The following PCDHA2 variants were observed in gnomAD, a reference collection of about 807,000 sequenced individuals.
PCDHA2 encodes protocadherin alpha-2.
Under a neutral mutation model 66.0 loss-of-function variants are expected in PCDHA2, and 58 were observed. That is an observed-to-expected ratio of 0.88 (90% CI 0.71 to 1.09). PCDHA2 has a LOEUF of 1.09. PCDHA2 is among the 50% of genes least tolerant of loss of function. PCDHA2 has a pLI of 0.00. For missense variants in PCDHA2, 1,267 were observed against 1,242.3 expected, an observed-to-expected ratio of 1.02 and a Z score of -0.30; for synonymous variants, 634 against 554.0, an observed-to-expected ratio of 1.14 and a Z score of -2.03.
chr5:140,885,870 A>T (rs1302417773), intron 1 of PCDHA2, among the ~76,000 whole-genome samples: 1 of 152,162 alleles, frequency 6.6e-6, no homozygotes, highest in African/African-American at 2.4e-5. Context: ...TATTGAAAAA[A>T]AATTTTTAGT....
chr5:140,857,735 G>A (rs782288464), intron 1 of PCDHA2: 1 of 1,597,334 alleles, frequency 6.3e-7, no homozygotes. Context: ...CAACGCTCCC[G>A]CGCTGCTGGC....
chr5:140,863,024 C>G (rs563115859), intron 1 of PCDHA2: 7 of 555,234 alleles, frequency 1.3e-5, no homozygotes, highest in Non-Finnish European at 2.1e-5. Flanking sequence ...CTGGTTGTCG[C>G]AACAGCTGCA....
At chr5:140,910,408 G>A (rs1165160124) in intron 1 of PCDHA2, among the ~76,000 whole-genome samples, 2 of 152,106 alleles carry the variant, frequency 1.3e-5, no homozygotes, top group African/African-American at 2.4e-5. Flanking sequence ...CTGCCACCTC[G>A]AGATCCAATT....
intron 1 of PCDHA2, among the ~76,000 whole-genome samples, chr5:140,950,569 T>C (rs969438550): frequency 1.3e-5 from 2 of 152,120 alleles, no homozygotes; most frequent in African/African-American, 2.4e-5. Context: ...TATTTTAAGG[T>C]TTTCTACTTA....
chr5:140,924,900 A>AT lies in PCDHA2; in HGVS notation c.2389-54049_2389-54048insT, dbSNP rs1563068012. 8.8e-4 allele frequency among the ~76,000 whole-genome samples: 56 copies of AT among 63,318 alleles called. 1 individual carries two copies. The highest frequency in any genetic ancestry group is 8.1e-3 in the Middle Eastern group (1 of 124). 41.5% of individuals were successfully genotyped at this position (63,318 alleles called of 152,430 possible). On this transcript the variant is annotated intron_variant, in intron 1 of 3. Coordinates refer to ENST00000526136, the MANE Select transcript of PCDHA2 (RefSeq NM_018905.3). ...ACAGAGCAAGAACCTGTCTCAAAAA[A>AT]AAAAATAAAATAAAATAAAATAAAA...
At chr5:141,006,745 T>C (rs1554260891) in intron 3 of PCDHA2, among the ~76,000 whole-genome samples, 1 of 152,144 alleles carries the variant, frequency 6.6e-6, no homozygotes, top group Non-Finnish European at 1.5e-5. Flanking sequence ...TGATGTATTA[T>C]AAATGGAGAA....
chr5:140,988,957 C>G (rs2097322513), intron 3 of PCDHA2: 1 of 152,120 alleles, frequency 6.6e-6, no homozygotes. Context: ...TTCCTTCAAG[C>G]CCCACGATGG....
At chr5:140,885,592 G>T (rs1428219345) in intron 1 of PCDHA2, among the ~76,000 whole-genome samples, 3 of 152,102 alleles carry the variant, frequency 2.0e-5, no homozygotes, top group Non-Finnish European at 2.9e-5. Flanking sequence ...ATGCATCAAA[G>T]ATATTAATAA....
In PCDHA2 at chr5:140,852,957, C is replaced by T. The variant is rs193082588; in HGVS notation, c.2388+55605C>T. The T allele has an allele frequency of 2.4e-3, 1,034 of 439,410 alleles. 42 individuals carry two copies. The highest frequency in any genetic ancestry group is 0.021 in the African/African-American group (968 of 46,052). 27.2% of individuals were successfully genotyped at this position (439,410 alleles called of 1,614,324 possible). On this transcript the variant is annotated intron_variant, in intron 1 of 3. Transcript: ENST00000526136. ...GCAGTGGTGCCATCTTGGCTCACTC[C>T]AAGCTCCCCCTCCCGTGTTCACGCC... is the stretch of plus-strand genomic sequence containing the variant.
chr5:140,995,383 G>A (rs909887279), intron 3 of PCDHA2, among the ~76,000 whole-genome samples: 2 of 152,158 alleles, frequency 1.3e-5, no homozygotes, highest in African/African-American at 4.8e-5. Flanking sequence ...TACTGGGCAG[G>A]ATAAAGCGGG....
rs2150250773 is a variant in PCDHA2 at position 140,836,019 on chromosome 5, G to A, written c.2388+38667G>A. 7.4e-6 allele frequency: 12 copies of A among 1,613,252 alleles called. No individual in the cohort carries two copies. In the East Asian group the frequency reaches 1.1e-4, roughly 15 times the overall value. ...GCGCGATGCGGGCGTGCCGCCTCTG[G>A]GCAGCAACGTGACGCTGCAGGTGTT... On this transcript the variant is annotated intron_variant, in intron 1 of 3. Coordinates refer to ENST00000526136, the MANE Select transcript of PCDHA2 (RefSeq NM_018905.3).
chr5:140,969,672 A>C (rs1251717537), intron 1 of PCDHA2, among the ~76,000 whole-genome samples: 2 of 152,198 alleles, frequency 1.3e-5, no homozygotes, highest in African/African-American at 4.8e-5. Context: ...TAATGTTATG[A>C]GACTCAAGGA....
At chr5:140,807,351 A>T in intron 1 of PCDHA2, 1 of 1,612,072 alleles carries the variant, frequency 6.2e-7, no homozygotes, top group Non-Finnish European at 8.5e-7. Flanking sequence ...CTGGGACTGG[A>T]GCTGGCGGAG....
intron 1 of PCDHA2, chr5:140,797,603 A>G (rs990262761): frequency 3.8e-5 from 19 of 506,274 alleles, no homozygotes; most frequent in Non-Finnish European, 5.2e-5. Context: ...AGACCATGAA[A>G]CACTGAAAAA....
chr5:140,945,829 A>G (rs1472344558), intron 1 of PCDHA2, among the ~76,000 whole-genome samples: 1 of 152,180 alleles, frequency 6.6e-6, no homozygotes, highest in Non-Finnish European at 1.5e-5. Flanking sequence ...ACAAAAGTCA[A>G]CTCAAAATGG....
intron 1 of PCDHA2, chr5:140,836,063 C>T (rs2150251706): frequency 6.2e-7 from 1 of 1,613,542 alleles, no homozygotes; most frequent in East Asian, 2.2e-5. Flanking sequence ...ACGAGAACGA[C>T]AACGCGCCGG....
chr5:140,810,565 A>C (rs1234570914), intron 1 of PCDHA2: 1 of 152,234 alleles, frequency 6.6e-6, no homozygotes, highest in African/African-American at 2.4e-5. Context: ...TTTTATATTT[A>C]AATGAAGTTG....
At chr5:140,998,056 C>T (rs1162882949) in intron 3 of PCDHA2, among the ~76,000 whole-genome samples, 1 of 152,160 alleles carries the variant, frequency 6.6e-6, no homozygotes, top group Non-Finnish European at 1.5e-5. Context: ...GTGACATCAT[C>T]ATCAACAGAC....
At chr5:140,887,396 C>T (rs2153420229) in intron 1 of PCDHA2, among the ~76,000 whole-genome samples, 1 of 152,174 alleles carries the variant, frequency 6.6e-6, no homozygotes, top group Non-Finnish European at 1.5e-5. Flanking sequence ...GCGCCCGGCT[C>T]TTTATCTCAT....
Sources: allele counts gnomAD v4.1 joint callset (sites outside exome capture counted in the v4.1 genomes callset), GRCh38; gene constraint gnomAD v4.1.1; transcripts MANE v1.5; gene names NCBI Gene and HGNC (gene_info 2026-07-23, HGNC 2026-07-21).